The following SH3BP5 variants were observed in gnomAD, a reference collection of about 807,000 sequenced individuals.
The protein encoded by SH3BP5 is SH3 domain-binding protein 5.
Under a neutral mutation model 43.3 loss-of-function variants are expected in SH3BP5, and 22 were observed. The ratio of observed to expected loss-of-function variants is 0.51; its 90% CI spans 0.36 to 0.73. The LOEUF (loss-of-function observed/expected upper bound fraction) is 0.73. Among genes scored for constraint, SH3BP5 ranks in the 30% least tolerant of loss-of-function variants. The pLI is 0.00. For synonymous variants in SH3BP5, 255 were observed against 225.8 expected, an observed-to-expected ratio of 1.13 and a Z score of -1.16; for missense variants, 529 against 586.9, an observed-to-expected ratio of 0.90 and a Z score of 1.02.
At chr3:15,333,116 T>A, upstream of SH3BP5, 1 of 985,436 alleles carries the variant, frequency 1.0e-6, no homozygotes, top group Non-Finnish European at 1.2e-6. Flanking sequence ...GGAGAATGCA[T>A]TGAGCTGGGA....
intron 2 of SH3BP5, among the ~76,000 whole-genome samples, chr3:15,311,153 T>A (rs988264301): frequency 7.2e-5 from 11 of 152,218 alleles, no homozygotes; most frequent in Non-Finnish European, 1.0e-4. Flanking sequence ...TCCTTACTAA[T>A]GCCATTTACA....
chr3:15,311,669 A>G (rs183776093), intron 2 of SH3BP5, among the ~76,000 whole-genome samples: 54 of 152,000 alleles, frequency 3.6e-4, no homozygotes, highest in Non-Finnish European at 6.6e-4. Flanking sequence ...AGACATCTTC[A>G]GTATTTTTTG....
intron 2 of SH3BP5, among the ~76,000 whole-genome samples, chr3:15,325,745 C>T (rs557906155): frequency 1.3e-5 from 2 of 152,206 alleles, no homozygotes; most frequent in African/African-American, 2.4e-5. Context: ...GCTGGTCAGG[C>T]GCAGTGGCTC....
At chr3:15,259,471 G>C in intron 6 of SH3BP5, 1 of 556,128 alleles carries the variant, frequency 1.8e-6, no homozygotes, top group Non-Finnish European at 3.2e-6. Context: ...TCTAGAGTGG[G>C]ACCTGGTCTA....
chr3:15,328,437 A>T (rs537006617), intron 2 of SH3BP5, among the ~76,000 whole-genome samples: 1 of 150,946 alleles, frequency 6.6e-6, no homozygotes. Context: ...AAAAAAAAAG[A>T]CTATTTCCAG....
intron 3 of SH3BP5, among the ~76,000 whole-genome samples, chr3:15,273,695 G>A (rs1197263678): frequency 6.6e-6 from 1 of 152,170 alleles, no homozygotes; most frequent in Non-Finnish European, 1.5e-5. Context: ...TCTATTCGTT[G>A]TGGTCTCAAA....
chr3:15,338,657 G>T (rs1279738619), intron 1 of SH3BP5, among the ~76,000 whole-genome samples: 1 of 152,086 alleles, frequency 6.6e-6, no homozygotes, highest in African/African-American at 2.4e-5. Flanking sequence ...TGTGGGGTGG[G>T]GAGGGACTCA....
chr3:15,301,904 G>A (rs559575730), intron 3 of SH3BP5, among the ~76,000 whole-genome samples: 2 of 152,160 alleles, frequency 1.3e-5, no homozygotes, highest in South Asian at 2.1e-4. Context: ...CCACTGCCGC[G>A]ACTCCAGTGG....
At chr3:15,259,514 C>T (rs1002719650) in intron 6 of SH3BP5, 36 of 596,528 alleles carry the variant, frequency 6.0e-5, no homozygotes, top group Non-Finnish European at 1.0e-4. Flanking sequence ...TGCTGCTGGT[C>T]CTAAGAGCAT....
At chr3:15,278,764 T>C (rs2125077276) in intron 3 of SH3BP5, among the ~76,000 whole-genome samples, 1 of 152,358 alleles carries the variant, frequency 6.6e-6, no homozygotes, top group Non-Finnish European at 1.5e-5. Flanking sequence ...CTATTTCAAA[T>C]AGATTTGATT....
Position 15,256,057 on chromosome 3 carries a change from T to TA in SH3BP5, c.*28dup, listed in dbSNP as rs1462372048. 5 of 1,527,082 alleles carry TA rather than the reference T, an allele frequency of 3.3e-6. No homozygotes were observed. Among genetic ancestry groups the TA allele is most frequent in the Non-Finnish European group, 4.5e-6 (5 of 1,105,692 alleles). 94.6% of individuals were successfully genotyped at this position (1,527,082 alleles called of 1,614,324 possible). A position where few individuals can be genotyped will look rare whatever the true frequency, so the allele number is the denominator to read the frequency against. On this transcript the variant is annotated 3_prime_UTR_variant, in exon 9 of 9. Coordinates refer to ENST00000383791, the MANE Select transcript of SH3BP5 (RefSeq NM_004844.5). ...CTCCAGTTCCATGTATAAATGTTGA[T>TA]ATGCACATCGGCCAGGGCCCAGGAT... is the stretch of plus-strand genomic sequence containing the variant.
At chr3:15,259,438 C>T (rs1210913784) in intron 6 of SH3BP5, 3 of 526,130 alleles carry the variant, frequency 5.7e-6, no homozygotes, top group Admixed American at 3.2e-5. Context: ...AGACTCCAAC[C>T]TCAGAGTTTC....
At chr3:15,304,082 A>G (rs748676266) in intron 3 of SH3BP5, 21 bp downstream of exon 3, 29 of 1,605,332 alleles carry the variant, frequency 1.8e-5, no homozygotes, top group Non-Finnish European at 2.5e-5. Context: ...GGTAGGGGAG[A>G]CATCTATGGG....
chr3:15,271,291 C>T (rs1045935187), intron 3 of SH3BP5, among the ~76,000 whole-genome samples: 61 of 151,998 alleles, frequency 4.0e-4, no homozygotes, highest in African/African-American at 9.7e-4. Context: ...GGCAGGAGAC[C>T]GCTTGAGGTT....
chr3:15,259,156 G>T, intron 6 of SH3BP5, 106 bp from the exon 7 acceptor site: 3 of 908,034 alleles, frequency 3.3e-6, no homozygotes, highest in Non-Finnish European at 5.2e-6. Flanking sequence ...CTACTTCAAG[G>T]AATTTTCCAA....
At chr3:15,260,778 C>G (rs1257201566) in intron 5 of SH3BP5, among the ~76,000 whole-genome samples, 1 of 152,094 alleles carries the variant, frequency 6.6e-6, no homozygotes, top group Non-Finnish European at 1.5e-5. Context: ...TGGAGGTGGC[C>G]TGGAAGCCAC....
At chr3:15,264,548 A>G (rs1341382816) in intron 4 of SH3BP5, 2 of 152,226 alleles carry the variant, frequency 1.3e-5, no homozygotes, top group African/African-American at 4.8e-5. Flanking sequence ...TCTTTTAACA[A>G]AGGCTTCAGT....
intron 3 of SH3BP5, among the ~76,000 whole-genome samples, chr3:15,289,300 T>C (rs944874852): frequency 6.6e-6 from 1 of 152,198 alleles, no homozygotes; most frequent in Non-Finnish European, 1.5e-5. Context: ...TAGCAATGAA[T>C]GGAAAATGTG....
intron 3 of SH3BP5, among the ~76,000 whole-genome samples, chr3:15,302,221 G>A (rs1435203440): frequency 6.6e-6 from 1 of 152,106 alleles, no homozygotes; most frequent in African/African-American, 2.4e-5. Flanking sequence ...AATCCAACGT[G>A]GACACTTTGG....
Sources: gnomAD v4.1 joint callset for allele counts (sites outside exome capture counted in the v4.1 genomes callset) on GRCh38, gnomAD v4.1.1 for gene constraint, MANE v1.5 for transcripts, NCBI Gene and HGNC (gene_info 2026-07-23, HGNC 2026-07-21) for gene names.